The following NPEPPS variants were observed in gnomAD, a reference collection of about 807,000 sequenced individuals.
The protein encoded by NPEPPS is aminopeptidase puromycin sensitive.
A neutral mutation model predicts 115.5 loss-of-function variants in NPEPPS; 14 were observed. That is an observed-to-expected ratio of 0.12 (90% CI 0.08 to 0.19). The LOEUF is 0.19. NPEPPS is among the 10% of genes least tolerant of loss of function. The pLI is 1.00. For synonymous variants in NPEPPS, 285 were observed against 390.6 expected, an observed-to-expected ratio of 0.73 and a Z score of 3.19; for missense variants, 523 against 1,110.8, an observed-to-expected ratio of 0.47 and a Z score of 7.52.
At chr17:47,599,152 T>C (rs1913043377) in intron 13 of NPEPPS, among the ~76,000 whole-genome samples, 1 of 152,228 alleles carries the variant, frequency 6.6e-6, no homozygotes, top group African/African-American at 2.4e-5. Context: ...TCTGAATCAA[T>C]GTAAAAGGTT....
chr17:47,536,485 C>A (rs929797196), intron 1 of NPEPPS, among the ~76,000 whole-genome samples: 1 of 150,536 alleles, frequency 6.6e-6, no homozygotes, highest in Admixed American at 6.7e-5. Flanking sequence ...CTCTGCCCCC[C>A]CAGGTTCAAG....
At position 47,531,501 on chromosome 17, in the gene NPEPPS, C is replaced by T; in HGVS notation, c.201C>T (p.Leu67=). The T allele has an allele frequency of 1.9e-6, 3 of 1,608,924 alleles. No individual in the cohort carries two copies. Among genetic ancestry groups the T allele is most frequent in the East Asian group, 4.5e-5 (2 of 44,662 alleles). The change falls in exon 1 of 23, where the codon CTC becomes CTT. Residue 67 remains leucine, a synonymous_variant. Coordinates refer to ENST00000322157, the MANE Select transcript of NPEPPS (RefSeq NM_006310.4). ...DVSPINYSLC[L]KPDLLDFTFE... ...CCCCCATCAACTACAGCCTTTGCCT[C>T]AAGCCCGACTTGCTGGACTTCACCT...
intron 1 of NPEPPS, among the ~76,000 whole-genome samples, chr17:47,535,600 G>C (rs1281233931): frequency 6.7e-6 from 1 of 149,972 alleles, no homozygotes; most frequent in Non-Finnish European, 1.5e-5. Flanking sequence ...GTGTGGTCTA[G>C]CTGGTTTTGA....
intron 2 of NPEPPS, among the ~76,000 whole-genome samples, chr17:47,547,005 G>A (rs1266156158): frequency 6.6e-6 from 1 of 151,944 alleles, no homozygotes; most frequent in East Asian, 1.9e-4. Context: ...TCGTTTTTAT[G>A]TTTTTCTTAA....
rs984553266 is a variant in NPEPPS at position 47,622,236 on chromosome 17, T to C, written c.*316T>C. On this transcript the variant is annotated 3_prime_UTR_variant, in exon 23 of 23. Transcript: ENST00000322157. ...AAAGTATTTAACACTCTACTGTTAA[T>C]GACAGATGTTCTGTTTTTATAACCT... is the stretch of plus-strand genomic sequence containing the variant. The C allele has an allele frequency of 5.9e-6, 2 of 336,880 alleles. No homozygotes were observed. The highest frequency in any genetic ancestry group is 8.8e-6 in the Non-Finnish European group (2 of 227,782). The allele number at this position is 336,880 out of a possible 1,614,324, so 20.9% of individuals were successfully genotyped here. A position where few individuals can be genotyped will look rare whatever the true frequency, so the allele number is the denominator to read the frequency against.
chr17:47,591,849 G>A (rs1259627730), intron 10 of NPEPPS, 107 bp from the exon 11 acceptor site: 6 of 553,998 alleles, frequency 1.1e-5, no homozygotes, highest in Admixed American at 6.7e-5. Context: ...GTGAGTTAAA[G>A]GCAGAAAAAT....
At chr17:47,606,809 C>T (rs1295052747) in intron 17 of NPEPPS, among the ~76,000 whole-genome samples, 2 of 151,718 alleles carry the variant, frequency 1.3e-5, no homozygotes, top group Non-Finnish European at 2.9e-5. Flanking sequence ...ACAGCAGCAA[C>T]CCAAATATTG....
intron 21 of NPEPPS, 71 bp downstream of exon 21, chr17:47,619,235 C>T (rs1914389677): frequency 7.2e-7 from 1 of 1,380,844 alleles, no homozygotes; most frequent in Non-Finnish European, 1.0e-6. Context: ...TCACTACACC[C>T]ATACATTGTG....
At chr17:47,595,162 C>T (rs1314216304) in intron 12 of NPEPPS, among the ~76,000 whole-genome samples, 1 of 152,184 alleles carries the variant, frequency 6.6e-6, no homozygotes, top group South Asian at 2.1e-4. Flanking sequence ...AACTCCTGAC[C>T]TCAGGTGACG....
chr17:47,591,346 G>C (rs1912491067), intron 10 of NPEPPS, among the ~76,000 whole-genome samples: 1 of 152,086 alleles, frequency 6.6e-6, no homozygotes, highest in Non-Finnish European at 1.5e-5. Context: ...ACTCCAGCCT[G>C]GGCAACAAGA....
rs1209022942 is a variant in NPEPPS at position 47,535,183 on chromosome 17, C to T, written c.255+3628C>T. On this transcript the variant is annotated intron_variant, in intron 1 of 22. Transcript: ENST00000322157. ...GCGTGAATCTGGGAGGCGGAGCTTG[C>T]AGTGAGCTGAGATTGCGCCACTGCA... 3.8e-5 allele frequency among the ~76,000 whole-genome samples: 5 copies of T among 129,874 alleles called. No individual in the cohort carries two copies. In the East Asian group the frequency reaches 1.2e-3, roughly 31 times the overall value. The allele number at this position is 129,874 out of a possible 152,430, so 85.2% of individuals were successfully genotyped here.
chr17:47,542,639 T>C (rs1380654922), intron 1 of NPEPPS, among the ~76,000 whole-genome samples: 1 of 151,794 alleles, frequency 6.6e-6, no homozygotes. Context: ...AAGAAATGGC[T>C]ACCATCTCCT....
chr17:47,580,764 C>A (rs1284309222), intron 4 of NPEPPS: 2 of 150,722 alleles, frequency 1.3e-5, no homozygotes, highest in Non-Finnish European at 3.0e-5. Flanking sequence ...AAATGAGTGA[C>A]TACTGCTTCT....
At chr17:47,532,067 G>A (rs1907825575) in intron 1 of NPEPPS, among the ~76,000 whole-genome samples, 1 of 152,054 alleles carries the variant, frequency 6.6e-6, no homozygotes, top group African/African-American at 2.4e-5. Flanking sequence ...GCGTTGGAGC[G>A]ACGAGGGGAG....
intron 3 of NPEPPS, among the ~76,000 whole-genome samples, chr17:47,578,339 T>C (rs1911657642): frequency 6.6e-6 from 1 of 152,184 alleles, no homozygotes; most frequent in South Asian, 2.1e-4. Context: ...TTTATAGTCA[T>C]GCCCTATCTT....
At chr17:47,615,917 T>C (rs968530597) in intron 19 of NPEPPS, among the ~76,000 whole-genome samples, 2 of 152,170 alleles carry the variant, frequency 1.3e-5, no homozygotes, top group African/African-American at 4.8e-5. Context: ...TGGTAAGAGA[T>C]GAGGAGGGTT....
In NPEPPS at chr17:47,536,704, C is replaced by CTTTTT. The variant is rs572115219; in HGVS notation, c.255+5169_255+5173dup. ...GCCACCGAGCCACCGTGCCTGGCTT[C>CTTTTT]TTTTTTTTTTTTTTTTTTTTTTTTG... On this transcript the variant is annotated intron_variant, in intron 1 of 22. Transcript: ENST00000322157. Among the ~76,000 whole-genome samples, 319 of 76,776 alleles carry CTTTTT rather than the reference C, an allele frequency of 4.2e-3. 4 individuals carry two copies. Among genetic ancestry groups the CTTTTT allele is most frequent in the Non-Finnish European group, 6.0e-3 (260 of 43,686 alleles). 50.4% of individuals were successfully genotyped at this position (76,776 alleles called of 152,430 possible). A position where few individuals can be genotyped will look rare whatever the true frequency, so the allele number is the denominator to read the frequency against.
chr17:47,533,838 C>A (rs1908001183), intron 1 of NPEPPS, among the ~76,000 whole-genome samples: 1 of 151,954 alleles, frequency 6.6e-6, no homozygotes, highest in Non-Finnish European at 1.5e-5. Context: ...TTTCAAAACA[C>A]TTTTTTTCCA....
At chr17:47,538,302 C>T (rs964637553) in intron 1 of NPEPPS, among the ~76,000 whole-genome samples, 3 of 146,268 alleles carry the variant, frequency 2.1e-5, no homozygotes, top group Non-Finnish European at 3.0e-5. Context: ...GCAACCTCCA[C>T]TTCCCTAGTT....
Sources: gnomAD v4.1 joint callset for allele counts (sites outside exome capture counted in the v4.1 genomes callset) on GRCh38, gnomAD v4.1.1 for gene constraint, MANE v1.5 for transcripts, NCBI Gene and HGNC (gene_info 2026-07-23, HGNC 2026-07-21) for gene names.